SUPT3H: variants seen among roughly 807,000 people sequenced by gnomAD.
SUPT3H encodes transcription initiation protein SPT3 homolog.
A neutral mutation model predicts 44.3 loss-of-function variants in SUPT3H; 44 were observed. That is an observed-to-expected ratio of 0.99 (90% CI 0.78 to 1.28). The LOEUF (loss-of-function observed/expected upper bound fraction) is 1.28. SUPT3H is among the 50% of genes most tolerant of loss of function. The probability of loss-of-function intolerance (pLI) is 0.00; values close to 1 mark genes in which losing one functional copy is unlikely to be tolerated. For missense variants in SUPT3H, 380 were observed against 387.1 expected (o/e 0.98, Z 0.15); for synonymous variants, 124 against 125.6 (o/e 0.99, Z 0.09).
intron 6 of SUPT3H, among the ~76,000 whole-genome samples, chr6:45,000,965 T>C (rs1028609190): frequency 3.9e-5 from 6 of 152,092 alleles, no homozygotes; most frequent in East Asian, 3.9e-4. Flanking sequence ...TACTTGATTA[T>C]TGACAAACTT....
At chr6:44,865,637 C>T (rs1332857002) in intron 10 of SUPT3H, among the ~76,000 whole-genome samples, 1 of 152,116 alleles carries the variant, frequency 6.6e-6, no homozygotes, top group African/African-American at 2.4e-5. Flanking sequence ...TATTCACTAT[C>T]ACAAGAACAG....
intron 10 of SUPT3H, among the ~76,000 whole-genome samples, chr6:44,908,656 T>C (rs963269063): frequency 6.6e-6 from 1 of 152,138 alleles, no homozygotes; most frequent in African/African-American, 2.4e-5. Flanking sequence ...TAAAGGAAAG[T>C]CACCTTTACA....
chr6:45,308,612 G>A (rs1232846764), intron 2 of SUPT3H, among the ~76,000 whole-genome samples: 1 of 152,082 alleles, frequency 6.6e-6, no homozygotes, highest in African/African-American at 2.4e-5. Flanking sequence ...GGAGGGAGGA[G>A]GGAAAGCATT....
At chr6:44,821,543 C>G (rs186103602) in intron 11 of SUPT3H, among the ~76,000 whole-genome samples, 73 of 152,168 alleles carry the variant, frequency 4.8e-4, no homozygotes, top group Admixed American at 4.6e-3. Context: ...GTATCATTAG[C>G]TGGGAAAGGG....
intron 3 of SUPT3H, among the ~76,000 whole-genome samples, chr6:45,024,144 T>C (rs1214970863): frequency 6.6e-6 from 1 of 152,190 alleles, no homozygotes; most frequent in Non-Finnish European, 1.5e-5. Flanking sequence ...TATTAACTTG[T>C]AACAACTTTG....
intron 2 of SUPT3H, among the ~76,000 whole-genome samples, chr6:45,213,675 T>A (rs1562705836): frequency 6.6e-6 from 1 of 152,086 alleles, no homozygotes; most frequent in Non-Finnish European, 1.5e-5. Context: ...CCTACGATAA[T>A]TAATCAATCA....
chr6:44,985,575 C>T (rs1338765459), intron 6 of SUPT3H, among the ~76,000 whole-genome samples: 1 of 152,156 alleles, frequency 6.6e-6, no homozygotes. Context: ...TGCACCTGGA[C>T]ATACTCAGTT....
intron 2 of SUPT3H, among the ~76,000 whole-genome samples, chr6:45,227,072 T>C (rs1166842345): frequency 6.6e-6 from 1 of 150,986 alleles, no homozygotes; most frequent in African/African-American, 2.4e-5. Flanking sequence ...CTCAAACTCC[T>C]GAGCTCAAGG....
At chr6:44,970,526 G>C (rs914679319) in intron 6 of SUPT3H, among the ~76,000 whole-genome samples, 1 of 150,940 alleles carries the variant, frequency 6.6e-6, no homozygotes, top group Non-Finnish European at 1.5e-5. Context: ...TTAAGTAATA[G>C]AACACTGACT....
intron 2 of SUPT3H, among the ~76,000 whole-genome samples, chr6:45,308,431 G>A (rs1783437497): frequency 1.3e-5 from 2 of 152,136 alleles, no homozygotes; most frequent in African/African-American, 2.4e-5. Context: ...AAGAGAGTGG[G>A]GGCCAATATT....
At chr6:45,068,431 T>C (rs1562387364) in intron 3 of SUPT3H, among the ~76,000 whole-genome samples, 1 of 149,214 alleles carries the variant, frequency 6.7e-6, no homozygotes, top group Non-Finnish European at 1.5e-5. Context: ...ACCTGCACAA[T>C]GTGCACATGT....
At position 45,112,570 on chromosome 6, in the gene SUPT3H, C is replaced by G. The variant is rs530248270; in HGVS notation, c.102-6564G>C. ...GGGGAAGGACTGATTAAGTTTCTAA[C>G]AGAGGGGAAGGACTGATTAAGTTTC... On this transcript the variant is annotated intron_variant, in intron 2 of 10. Coordinates refer to ENST00000371459, the MANE Select transcript of SUPT3H (RefSeq NM_003599.4). Among the ~76,000 whole-genome samples the G allele has an allele frequency of 9.2e-5, 14 of 152,132 alleles. No individual in the cohort carries two copies. The East Asian group carries it at 1.9e-3, about 21-fold the overall frequency.
At chr6:45,308,723 C>G (rs1372142488) in intron 2 of SUPT3H, among the ~76,000 whole-genome samples, 1 of 148,296 alleles carries the variant, frequency 6.7e-6, no homozygotes, top group African/African-American at 2.5e-5. Flanking sequence ...CACATGTACC[C>G]TAGAACTTAA....
intron 3 of SUPT3H, among the ~76,000 whole-genome samples, chr6:45,056,449 G>A (rs773629504): frequency 6.6e-6 from 1 of 152,198 alleles, no homozygotes; most frequent in East Asian, 1.9e-4. Context: ...ATCAATCAAT[G>A]AGTGGATAAA....
chr6:45,307,409 C>G (rs1374920189), intron 2 of SUPT3H, among the ~76,000 whole-genome samples: 2 of 152,164 alleles, frequency 1.3e-5, no homozygotes, highest in Non-Finnish European at 2.9e-5. Flanking sequence ...GGGTACCCCT[C>G]TGAGACGAAA....
chr6:44,982,065 AG>A (rs1779167380), intron 6 of SUPT3H, among the ~76,000 whole-genome samples: 1 of 152,196 alleles, frequency 6.6e-6, no homozygotes, highest in Non-Finnish European at 1.5e-5. Context: ...GCAAAACAAA[AG>A]AAAAGAAAAA....
At chr6:44,908,343 G>A (rs946132932) in intron 10 of SUPT3H, among the ~76,000 whole-genome samples, 1 of 151,734 alleles carries the variant, frequency 6.6e-6, no homozygotes, top group Non-Finnish European at 1.5e-5. Flanking sequence ...AGTAGAGACG[G>A]GGTTTTACCG....
At chr6:45,083,167 CATT>C (rs112983311) in intron 3 of SUPT3H, among the ~76,000 whole-genome samples, 58,053 of 143,532 alleles carry the variant, frequency 0.4, 11,898 homozygotes, top group East Asian at 0.57. Flanking sequence ...ATTAAAGAAT[CATT>C]ATTATTATTA....
At chr6:45,086,999 A>C (rs1249108284) in intron 3 of SUPT3H, among the ~76,000 whole-genome samples, 2 of 151,972 alleles carry the variant, frequency 1.3e-5, no homozygotes, top group Non-Finnish European at 2.9e-5. Context: ...TCGGTTAACA[A>C]GCCAATCTTT....
Sources: allele counts gnomAD v4.1 joint callset (sites outside exome capture counted in the v4.1 genomes callset), GRCh38; gene constraint gnomAD v4.1.1; transcripts MANE v1.5; gene names NCBI Gene and HGNC (gene_info 2026-07-23, HGNC 2026-07-21).